Variants in SLC6A4 observed in about 807,000 individuals in gnomAD.
SLC6A4 encodes the protein sodium-dependent serotonin transporter.
In SLC6A4, 22 loss-of-function variants were observed where a neutral mutation model predicts 73.4. The ratio of observed to expected loss-of-function variants is 0.30; its 90% CI spans 0.21 to 0.43. SLC6A4 has a LOEUF of 0.43. Ranked by LOEUF, SLC6A4 falls within the 20% of genes least tolerant of loss-of-function variation. The pLI, the probability that SLC6A4 is intolerant of heterozygous loss-of-function variation, is 1.00. For synonymous variants in SLC6A4, 270 were observed against 315.5 expected (o/e 0.86, Z 1.53); for missense variants, 593 against 808.5 (o/e 0.73, Z 3.23).
At chr17:30,220,416 A>AT (rs1362689322) in intron 3 of SLC6A4, among the ~76,000 whole-genome samples, 1 of 152,092 alleles carries the variant, frequency 6.6e-6, no homozygotes, top group Non-Finnish European at 1.5e-5. Flanking sequence ...GTCAGCTACT[A>AT]TTTTTTATAA....
intron 1 of SLC6A4, among the ~76,000 whole-genome samples, chr17:30,224,269 T>A (rs980753243): frequency 6.6e-6 from 1 of 151,552 alleles, no homozygotes; most frequent in Non-Finnish European, 1.5e-5. Context: ...CCCAGGCTGG[T>A]GTGCAGTGGC....
chr17:30,205,094 G>C (rs1906150276), intron 13 of SLC6A4, among the ~76,000 whole-genome samples: 2 of 152,208 alleles, frequency 1.3e-5, no homozygotes, highest in African/African-American at 4.8e-5. Context: ...AGCGAGTGAA[G>C]TACGATGTAC....
In SLC6A4 at chr17:30,218,965, C is replaced by G. The variant is rs765217587; in HGVS notation, c.344-34G>C. On this transcript the variant is annotated intron_variant, in intron 3 of 14. Coordinates refer to ENST00000650711, the MANE Select transcript of SLC6A4 (RefSeq NM_001045.6). Reference sequence around the variant, plus strand: ...GATGAAAGACAATTTCACTCCCTGCCCACGTCTGTCCCAGGATAGCCCAAC... The same window carrying G: ...GATGAAAGACAATTTCACTCCCTGCGCACGTCTGTCCCAGGATAGCCCAAC... The G allele has an allele frequency of 2.4e-5, 39 of 1,612,394 alleles. 1 individual carries two copies. The South Asian group carries it at 4.2e-4, about 17-fold the overall frequency.
chr17:30,221,299 C>T (rs144967277), intron 3 of SLC6A4, among the ~76,000 whole-genome samples: 3 of 151,976 alleles, frequency 2.0e-5, no homozygotes, highest in East Asian at 3.9e-4. Flanking sequence ...TCTACCAGCT[C>T]GAAAGTCTAA....
chr17:30,202,201 A>C (rs1456977173), intron 14 of SLC6A4, among the ~76,000 whole-genome samples: 1 of 152,208 alleles, frequency 6.6e-6, no homozygotes, highest in Non-Finnish European at 1.5e-5. Flanking sequence ...ATTTTGCGTA[A>C]GATCTCAAAT....
chr17:30,221,047 G>C (rs1391189355), intron 3 of SLC6A4, among the ~76,000 whole-genome samples: 2 of 149,348 alleles, frequency 1.3e-5, no homozygotes, highest in Non-Finnish European at 3.0e-5. Flanking sequence ...TGCCATCTCG[G>C]CTCACTGCAA....
At chr17:30,212,457 G>C (rs1174800231) in intron 9 of SLC6A4, among the ~76,000 whole-genome samples, 1 of 152,182 alleles carries the variant, frequency 6.6e-6, no homozygotes, top group Non-Finnish European at 1.5e-5. Context: ...TGTGATCATG[G>C]CTCACTGTAG....
rs532357418 is a variant in SLC6A4, at chr17:30,226,694, C to G, written c.-220-3779G>C. Among the ~76,000 whole-genome samples, 7 of 151,996 alleles carry G rather than the reference C, an allele frequency of 4.6e-5. No individual in the cohort carries two copies. The South Asian group carries it at 1.5e-3, about 32-fold the overall frequency. ...CAGCCTGAGTGACAAGAGTGAAACT[C>G]TGTCTCAAATAAATAAATAAAAATA... is the stretch of plus-strand genomic sequence containing the variant. On this transcript the variant is annotated intron_variant, in intron 1 of 14. Transcript: ENST00000650711.
chr17:30,206,899 T>C (rs1019712967), intron 13 of SLC6A4, among the ~76,000 whole-genome samples: 2 of 151,766 alleles, frequency 1.3e-5, no homozygotes, highest in Non-Finnish European at 2.9e-5. Context: ...AGAGACGGGG[T>C]TTCACCATGT....
At chr17:30,224,519 G>A (rs1384214454) in intron 1 of SLC6A4, among the ~76,000 whole-genome samples, 3 of 152,098 alleles carry the variant, frequency 2.0e-5, no homozygotes, top group Admixed American at 2.0e-4. Context: ...TGCCTGGCCT[G>A]GCCCCACAAT....
intron 9 of SLC6A4, among the ~76,000 whole-genome samples, chr17:30,212,065 A>G (rs1906403589): frequency 6.6e-6 from 1 of 152,310 alleles, no homozygotes; most frequent in Admixed American, 6.5e-5. Flanking sequence ...ACTAGATGCC[A>G]TCATCTGTTT....
chr17:30,231,979 A>G (rs1907127898), intron 1 of SLC6A4, among the ~76,000 whole-genome samples: 1 of 152,204 alleles, frequency 6.6e-6, no homozygotes, highest in Admixed American at 6.5e-5. Flanking sequence ...GGTGAGCTAG[A>G]GCCAGCCATG....
At chr17:30,220,876 T>C (rs1301303032) in intron 3 of SLC6A4, among the ~76,000 whole-genome samples, 1 of 151,922 alleles carries the variant, frequency 6.6e-6, no homozygotes, top group Non-Finnish European at 1.5e-5. Flanking sequence ...ATGCTGGAGA[T>C]CTGTGAGGTC....
chr17:30,211,148 G>C lies in SLC6A4; in HGVS notation c.1317+164C>G, dbSNP rs532720588. Among the ~76,000 whole-genome samples, 2 of 152,346 alleles carry C rather than the reference G, an allele frequency of 1.3e-5. No homozygotes were observed. The highest frequency in any genetic ancestry group is 1.3e-4 in the Admixed American group (2 of 15,304). On this transcript the variant is annotated intron_variant, in intron 10 of 14. Transcript: ENST00000650711. This position sits in a 1 kb window ranked among gnomAD's most constrained non-coding sequence, Gnocchi z 4.0. ...TCCCATTAATGACTCGAATGTACCA[G>C]AGGGTGGTAAATGCCGAGGAGTCAG... is the stretch of plus-strand genomic sequence containing the variant.
rs548203584 is a variant in SLC6A4, at chr17:30,227,445, A to C, written c.-220-4530T>G. ...ATTCCTCATATGACAGAGTCAGTTTAGTGTTTTTTCTGTTCCTTTGTGTGT... is the reference window on the plus strand; with the variant it reads ...ATTCCTCATATGACAGAGTCAGTTTCGTGTTTTTTCTGTTCCTTTGTGTGT... On this transcript the variant is annotated intron_variant, in intron 1 of 14. Transcript: ENST00000650711. Among the ~76,000 whole-genome samples the C allele has an allele frequency of 2.0e-5, 3 of 151,824 alleles. No homozygotes were observed. In the South Asian group the frequency reaches 6.3e-4, roughly 32 times the overall value.
chr17:30,223,400 G>A (rs947608383), intron 1 of SLC6A4, among the ~76,000 whole-genome samples: 4 of 152,090 alleles, frequency 2.6e-5, no homozygotes, highest in Non-Finnish European at 5.9e-5. Context: ...ACCTATTTGG[G>A]GTTTTTGGTG....
chr17:30,218,949 C>A lies in SLC6A4; in HGVS notation c.344-18G>T, dbSNP rs1025817426. 1.9e-6 allele frequency: 3 copies of A among 1,613,478 alleles called. No individual in the cohort carries two copies. Among genetic ancestry groups the A allele is most frequent in the Non-Finnish European group, 2.5e-6 (3 of 1,179,964 alleles). On this transcript the variant is annotated intron_variant, in intron 3 of 14. Coordinates refer to ENST00000650711, the MANE Select transcript of SLC6A4 (RefSeq NM_001045.6). ...GAATGCCCCTGAGGCAGATGAAAGA[C>A]AATTTCACTCCCTGCCCACGTCTGT...
In SLC6A4 at chr17:30,210,307, T is replaced by C. The variant is rs1906343582; in HGVS notation, c.1449+208A>G. Among the ~76,000 whole-genome samples, 3 of 152,212 alleles carry C rather than the reference T, an allele frequency of 2.0e-5. No homozygotes were observed. The South Asian group carries it at 6.2e-4, about 31-fold the overall frequency. On this transcript the variant is annotated intron_variant, in intron 11 of 14. Coordinates refer to ENST00000650711, the MANE Select transcript of SLC6A4 (RefSeq NM_001045.6). Reference sequence around the variant, plus strand: ...TCTGCGGTAAAATGCTGACAGCCCCTGGATACTATGCACGGAATCTGCAAG... The same window carrying C: ...TCTGCGGTAAAATGCTGACAGCCCCCGGATACTATGCACGGAATCTGCAAG...
chr17:30,199,302 A>T (rs1905956427), intron 14 of SLC6A4, among the ~76,000 whole-genome samples: 1 of 151,130 alleles, frequency 6.6e-6, no homozygotes, highest in Non-Finnish European at 1.5e-5. Flanking sequence ...AAAGCAGCTC[A>T]GGGATATAGA....
Sources: gnomAD v4.1 joint callset for allele counts (sites outside exome capture counted in the v4.1 genomes callset) on GRCh38, gnomAD v4.1.1 for gene constraint, Gnocchi (gnomAD v3.1) non-coding constraint, MANE v1.5 for transcripts, NCBI Gene and HGNC (gene_info 2026-07-23, HGNC 2026-07-21) for gene names.